IL17RD: variants seen among roughly 807,000 people sequenced by gnomAD.
IL17RD encodes the protein interleukin-17 receptor D.
IL17RD carries 52 observed loss-of-function variants against 80.5 expected under a neutral mutation model. The ratio of observed to expected loss-of-function variants is 0.65; its 90% CI spans 0.52 to 0.81. IL17RD has a LOEUF of 0.81. Among genes scored for constraint, IL17RD ranks in the 40% least tolerant of loss-of-function variants. The pLI, the probability that IL17RD is intolerant of heterozygous loss-of-function variation, is 0.00. For synonymous variants in IL17RD, 416 were observed against 391.8 expected (o/e 1.06, Z -0.73); for missense variants, 1,024 against 955.1 (o/e 1.07, Z -0.95).
intron 11 of IL17RD, 57 bp downstream of exon 11, chr3:57,101,122 G>A (rs1032226246): frequency 1.4e-6 from 2 of 1,419,500 alleles, no homozygotes; most frequent in African/African-American, 2.8e-5. Context: ...GCAGCGGGGA[G>A]AGAGTACAGG....
At chr3:57,135,292 G>A (rs1349680085) in intron 1 of IL17RD, among the ~76,000 whole-genome samples, 1 of 152,204 alleles carries the variant, frequency 6.6e-6, no homozygotes, top group African/African-American at 2.4e-5. Flanking sequence ...AGCAAGGTGG[G>A]CAGGAGGCTG....
At chr3:57,105,817 G>T in intron 7 of IL17RD, 40 bp downstream of exon 7, 1 of 1,587,248 alleles carries the variant, frequency 6.3e-7, no homozygotes, top group South Asian at 1.1e-5. Context: ...GGGTCGCTTT[G>T]AAACACGCAG....
chr3:57,110,054 G>T (rs1202765667), intron 4 of IL17RD, 139 bp downstream of exon 4: 2 of 889,264 alleles, frequency 2.2e-6, no homozygotes, highest in Non-Finnish European at 1.7e-6. Context: ...TCAAGGTGCT[G>T]CTGTACCATT....
At chr3:57,104,266 G>A (rs1246507031) in intron 8 of IL17RD, 76 bp downstream of exon 8, 2 of 996,584 alleles carry the variant, frequency 2.0e-6, no homozygotes, top group Non-Finnish European at 3.1e-6. Context: ...AAATTTTAGT[G>A]TTGTAAACAG....
chr3:57,110,977 C>A (rs1011627205), intron 3 of IL17RD, among the ~76,000 whole-genome samples: 5 of 152,244 alleles, frequency 3.3e-5, no homozygotes, highest in Non-Finnish European at 7.3e-5. Context: ...AGACACCAGC[C>A]CAGCCTCCTG....
In IL17RD at chr3:57,096,500, C is replaced by T. The variant is rs1396627354; in HGVS notation, c.2113G>A (p.Glu705Lys). Residue 705 changes from glutamate (E) to lysine (K), a missense_variant, in exon 13 of 13, where the codon GAG becomes AAG. Glu to Lys is a moderately conservative substitution (Grantham distance 56, BLOSUM62 1). Coordinates refer to ENST00000296318, the MANE Select transcript of IL17RD (RefSeq NM_017563.5). ...TTGGAAGGAAGGGCAGGAGGTTCCT[C>T]CTCACCTAAGGAGAGAAGAGAGTAC... ...SVSSSSGLGE[E>K]EPPALPSKLL... 3.7e-6 allele frequency: 6 copies of T among 1,607,146 alleles called. No homozygotes were observed. Among genetic ancestry groups the T allele is most frequent in the Non-Finnish European group, 5.1e-6 (6 of 1,173,648 alleles).
chr3:57,106,357 G>T (rs1706965852), intron 5 of IL17RD, among the ~76,000 whole-genome samples: 1 of 152,144 alleles, frequency 6.6e-6, no homozygotes, highest in Non-Finnish European at 1.5e-5. Context: ...TATTAATGCA[G>T]TTCACTTTAT....
chr3:57,099,742 C>T (rs1361695936), intron 11 of IL17RD, among the ~76,000 whole-genome samples: 1 of 152,198 alleles, frequency 6.6e-6, no homozygotes, highest in Non-Finnish European at 1.5e-5. Context: ...AGGCATCTTT[C>T]TTGGGAAATC....
At chr3:57,110,353 A>T in intron 3 of IL17RD, 42 bp from the exon 4 acceptor site, 1 of 1,546,264 alleles carries the variant, frequency 6.5e-7, no homozygotes, top group Non-Finnish European at 8.8e-7. Context: ...GAACCTAATT[A>T]CTTCTGAACA....
chr3:57,164,505 C>T (rs1251423351), intron 1 of IL17RD, among the ~76,000 whole-genome samples: 1 of 152,204 alleles, frequency 6.6e-6, no homozygotes, highest in Non-Finnish European at 1.5e-5. Flanking sequence ...GAAAAATATC[C>T]GCAACTCGAA....
At chr3:57,100,211 T>C (rs1706794731) in intron 11 of IL17RD, among the ~76,000 whole-genome samples, 2 of 152,354 alleles carry the variant, frequency 1.3e-5, no homozygotes, top group East Asian at 3.9e-4. Context: ...GTAGTTATTT[T>C]TCAGCACGTG....
intron 2 of IL17RD, among the ~76,000 whole-genome samples, chr3:57,115,962 T>C (rs1052644959): frequency 2.0e-5 from 3 of 152,182 alleles, no homozygotes; most frequent in African/African-American, 7.2e-5. Context: ...AAAATGTTCA[T>C]TGCAGACATT....
chr3:57,097,684 C>T lies in IL17RD; in HGVS notation c.2019G>A (p.Glu673=). 6.2e-7 allele frequency: 1 copy of T among 1,605,798 alleles called. No homozygotes were observed. Residue 673 remains glutamate (E), a synonymous_variant, in exon 12 of 13, where the codon GAG becomes GAA. Coordinates refer to ENST00000296318, the MANE Select transcript of IL17RD (RefSeq NM_017563.5). ...GTCCTTCCATCAGTGGCAGAGACAG[C>T]TCGGATGAGGGCACAGACGAGTCAT... is the stretch of plus-strand genomic sequence containing the variant. ...GIYDSSVPSS[E]LSLPLMEGLS...
At chr3:57,161,938 A>T (rs1559489055) in intron 1 of IL17RD, among the ~76,000 whole-genome samples, 1 of 152,092 alleles carries the variant, frequency 6.6e-6, no homozygotes, top group East Asian at 1.9e-4. Flanking sequence ...CCCTAAGAGA[A>T]TTTTTTTTAA....
intron 1 of IL17RD, among the ~76,000 whole-genome samples, chr3:57,154,260 T>TTATATATATATATATATATATATATA (rs751847693): frequency 7.8e-6 from 1 of 128,604 alleles, no homozygotes; most frequent in African/African-American, 3.1e-5. Context: ...AAAAAAAAAA[T>TTATATATATATATATATATATATATA]TATATATATA....
intron 7 of IL17RD, 70 bp downstream of exon 7, chr3:57,105,787 C>A (rs904153965): frequency 1.1e-4 from 152 of 1,405,564 alleles, no homozygotes; most frequent in Admixed American, 3.7e-4. Flanking sequence ...CATTGAGCAA[C>A]CCAAATTCCA....
intron 7 of IL17RD, among the ~76,000 whole-genome samples, chr3:57,105,552 A>AAAATAT: frequency 9.5e-5 from 6 of 63,370 alleles, no homozygotes; most frequent in South Asian, 6.2e-4. Context: ...AAAAAAAAAA[A>AAAATAT]ATATATATAT....
chr3:57,105,717 C>A, intron 7 of IL17RD, 140 bp downstream of exon 7: 1 of 660,594 alleles, frequency 1.5e-6, no homozygotes. Context: ...TGAGACATGC[C>A]CAATGATTAC....
intron 1 of IL17RD, among the ~76,000 whole-genome samples, chr3:57,156,854 G>A (rs1312178304): frequency 6.6e-6 from 1 of 151,984 alleles, no homozygotes; most frequent in East Asian, 1.9e-4. Flanking sequence ...CAGCGCCTGG[G>A]TCCACTCACT....
Sources: gnomAD v4.1 joint callset for allele counts (sites outside exome capture counted in the v4.1 genomes callset) on GRCh38, gnomAD v4.1.1 for gene constraint, MANE v1.5 for transcripts, NCBI Gene and HGNC (gene_info 2026-07-23, HGNC 2026-07-21) for gene names.